TECR: variants seen among roughly 807,000 people sequenced by gnomAD.
TECR encodes the protein very-long-chain enoyl-CoA reductase.
A neutral mutation model predicts 50.6 loss-of-function variants in TECR; 19 were observed. The observed-to-expected ratio is 0.38, with a 90% CI of 0.26 to 0.55. TECR has a LOEUF of 0.55. TECR is among the 20% of genes least tolerant of loss of function. The pLI is 0.79. For missense variants in TECR, 313 were observed against 408.3 expected (o/e 0.77, Z 2.01); for synonymous variants, 168 against 163.5 (o/e 1.03, Z -0.21).
chr19:14,560,791 C>T (rs2073880231), intron 1 of TECR, among the ~76,000 whole-genome samples: 1 of 152,166 alleles, frequency 6.6e-6, no homozygotes, highest in Non-Finnish European at 1.5e-5. Flanking sequence ...AAATAGGCCC[C>T]CATGCTGTGG....
intron 1 of TECR, chr19:14,545,071 C>T (rs564938142): frequency 4.4e-6 from 2 of 456,676 alleles, no homozygotes; most frequent in Admixed American, 4.7e-5. Context: ...TCACCACTGT[C>T]TCTGAAGCCA....
In TECR at chr19:14,565,302, C is replaced by T. The variant is rs1568433465; in HGVS notation, c.753+12C>T. The T allele has an allele frequency of 1.9e-6, 3 of 1,612,346 alleles. No individual in the cohort carries two copies. The highest frequency in any genetic ancestry group is 2.2e-5 in the East Asian group (1 of 44,884). On this transcript the variant is annotated intron_variant, in intron 11 of 12. Transcript: ENST00000215567. ...ACTACACCTACGAGGTGAGGGGCTGCCTTACCCCTCTCTGCCCTGGGACTT... is the reference window on the plus strand; with the variant it reads ...ACTACACCTACGAGGTGAGGGGCTGTCTTACCCCTCTCTGCCCTGGGACTT...
At chr19:14,549,533 C>T (rs1364999024) in intron 1 of TECR, among the ~76,000 whole-genome samples, 1 of 152,048 alleles carries the variant, frequency 6.6e-6, no homozygotes, top group Non-Finnish European at 1.5e-5. Flanking sequence ...TACTATGTTG[C>T]CCAGCCTGGC....
intron 1 of TECR, among the ~76,000 whole-genome samples, chr19:14,559,325 CAG>C (rs2073837237): frequency 1.3e-5 from 2 of 152,128 alleles, no homozygotes; most frequent in African/African-American, 4.8e-5. Context: ...TACCCAGCAG[CAG>C]CCACTCCCCA....
chr19:14,540,133 C>A (rs2073048523), intron 1 of TECR, among the ~76,000 whole-genome samples: 1 of 151,494 alleles, frequency 6.6e-6, no homozygotes, highest in African/African-American at 2.4e-5. Context: ...GATCTCGGCT[C>A]ACTGCAAGCT....
At chr19:14,559,276 C>G (rs570119680) in intron 1 of TECR, among the ~76,000 whole-genome samples, 1 of 152,098 alleles carries the variant, frequency 6.6e-6, no homozygotes, top group African/African-American at 2.4e-5. Flanking sequence ...ACCTCTGTCT[C>G]GTCCCAGAAC....
Position 14,544,180 on chromosome 19 carries a change from A to G in TECR, c.15+14469A>G, listed in dbSNP as rs1599442482. On this transcript the variant is annotated intron_variant, in intron 1 of 12. Coordinates refer to ENST00000215567, the MANE Select transcript of TECR (RefSeq NM_138501.6). ...GGTCTTGGTCTGAATGTGACAAAAT[A>G]CCTCCGAGAAGCCTCTGCCCCTGAC... Among the ~76,000 whole-genome samples, 3 of 151,476 alleles carry G rather than the reference A, an allele frequency of 2.0e-5. No homozygotes were observed. The South Asian group carries it at 6.3e-4, about 32-fold the overall frequency.
intron 7 of TECR, 39 bp from the exon 8 acceptor site, chr19:14,564,747 T>A: frequency 1.3e-6 from 2 of 1,589,216 alleles, no homozygotes; most frequent in Non-Finnish European, 1.7e-6. Flanking sequence ...CCTTGTCCGG[T>A]GCTGGCCCAA....
chr19:14,541,167 G>A (rs796990041), intron 1 of TECR, among the ~76,000 whole-genome samples: 3 of 152,000 alleles, frequency 2.0e-5, no homozygotes, highest in African/African-American at 7.2e-5. Flanking sequence ...TGGTAGAGAC[G>A]CAGTCTCACC....
intron 1 of TECR, chr19:14,544,981 G>T: frequency 9.7e-6 from 4 of 411,474 alleles, no homozygotes; most frequent in Non-Finnish European, 2.0e-5. Flanking sequence ...GAACTGCGGT[G>T]TCCTTTTCAC....
At chr19:14,552,695 C>T (rs2073573853) in intron 1 of TECR, among the ~76,000 whole-genome samples, 1 of 151,996 alleles carries the variant, frequency 6.6e-6, no homozygotes, top group African/African-American at 2.4e-5. Flanking sequence ...CCACCATGCC[C>T]GGCTAACTTT....
At chr19:14,551,059 C>T (rs1042773490) in intron 1 of TECR, among the ~76,000 whole-genome samples, 2 of 151,796 alleles carry the variant, frequency 1.3e-5, no homozygotes, top group East Asian at 3.9e-4. Flanking sequence ...TTAATTATAT[C>T]TGCAAAGACA....
chr19:14,540,280 G>T (rs907505848), intron 1 of TECR, among the ~76,000 whole-genome samples: 1 of 151,880 alleles, frequency 6.6e-6, no homozygotes, highest in Non-Finnish European at 1.5e-5. Context: ...GTGTCAGCCA[G>T]GATGGTCTCG....
At chr19:14,562,614 T>C in intron 2 of TECR, 39 bp downstream of exon 2, 1 of 1,611,800 alleles carries the variant, frequency 6.2e-7, no homozygotes, top group Non-Finnish European at 8.5e-7. Context: ...CCAAGGGCAC[T>C]GGGCCCGGGA....
chr19:14,539,058 C>G (rs571418818), intron 1 of TECR, among the ~76,000 whole-genome samples: 32 of 150,984 alleles, frequency 2.1e-4, no homozygotes, highest in African/African-American at 7.8e-4. Flanking sequence ...ACTGCAATCT[C>G]CGCCTCCCGG....
chr19:14,534,739 G>T (rs2072803424), intron 1 of TECR, among the ~76,000 whole-genome samples: 1 of 152,098 alleles, frequency 6.6e-6, no homozygotes, highest in South Asian at 2.1e-4. Context: ...ACCTTGCCCA[G>T]GGGTGAGTCT....
Position 14,563,964 on chromosome 19 carries a change from GC to G in TECR, c.268-12del, listed in dbSNP as rs909829236. 1.2e-6 allele frequency: 2 copies of G among 1,613,950 alleles called. No homozygotes were observed. Among genetic ancestry groups the G allele is most frequent in the Non-Finnish European group, 1.7e-6 (2 of 1,179,862 alleles). On this transcript the variant is annotated splice_polypyrimidine_tract_variant and intron_variant, in intron 5 of 12. Coordinates refer to ENST00000215567, the MANE Select transcript of TECR (RefSeq NM_138501.6). This position sits in a 1 kb window ranked among gnomAD's most constrained non-coding sequence, Gnocchi z 5.3. ...TCAGCCACGTTGGGTGACTCATCTT[GC>G]CCCCCTCTACTCTCAGGTCTTCCTA...
chr19:14,564,381 T>A (rs1227233205), intron 7 of TECR, 94 bp downstream of exon 7: 2 of 966,454 alleles, frequency 2.1e-6, no homozygotes, highest in African/African-American at 4.2e-5. Context: ...CCTTCCTGTC[T>A]GCCACTACGC....
At position 14,563,132 on chromosome 19, in the gene TECR, C is replaced by A; in HGVS notation, c.67-74C>A. On this transcript the variant is annotated intron_variant, in intron 2 of 12. Coordinates refer to ENST00000215567, the MANE Select transcript of TECR (RefSeq NM_138501.6). The surrounding 1 kb of genome is among the most constrained non-coding windows in gnomAD (Gnocchi z 5.3). ...TACAGCCCAACCCCCAGCCTGCCAT[C>A]CCCTTTAGTACCTCCCCATCCTGAG... The A allele has an allele frequency of 6.2e-7, 1 of 1,605,764 alleles. No homozygotes were observed. The highest frequency in any genetic ancestry group is 8.5e-7 in the Non-Finnish European group (1 of 1,173,640).
Sources: gnomAD v4.1 joint callset for allele counts (sites outside exome capture counted in the v4.1 genomes callset) on GRCh38, gnomAD v4.1.1 for gene constraint, Gnocchi (gnomAD v3.1) non-coding constraint, MANE v1.5 for transcripts, NCBI Gene and HGNC (gene_info 2026-07-23, HGNC 2026-07-21) for gene names.